The following DPYSL2 variants were observed in gnomAD, a reference collection of about 807,000 sequenced individuals.
The protein encoded by DPYSL2 is dihydropyrimidinase like 2, also known as dihydropyrimidinase-related protein 2.
Under a neutral mutation model 69.9 loss-of-function variants are expected in DPYSL2, and 13 were observed. That is an observed-to-expected ratio of 0.19 (90% CI 0.12 to 0.30). The LOEUF (loss-of-function observed/expected upper bound fraction) is 0.30, where lower values mean the gene tolerates loss of function less well. Ranked by LOEUF, DPYSL2 falls within the 10% of genes least tolerant of loss-of-function variation. The pLI is 1.00. For synonymous variants in DPYSL2, 326 were observed against 359.1 expected (o/e 0.91, Z 1.04); for missense variants, 587 against 918.9 (o/e 0.64, Z 4.67).
rs117788291 is a variant in DPYSL2 at position 26,571,009 on chromosome 8, T to A, written c.355-10960T>A. Among the ~76,000 whole-genome samples the A allele has an allele frequency of 3.6e-3, 541 of 152,270 alleles. 2 individuals carry two copies. The highest frequency in any genetic ancestry group is 6.8e-3 in the Admixed American group (104 of 15,304). ...GACAACATAACAGTATTTTAGAAGA[T>A]TGTACTGTTTCCAGAAGGCAGACAA... On this transcript the variant is annotated intron_variant, in intron 1 of 13. Coordinates refer to ENST00000521913, the MANE Select transcript of DPYSL2 (RefSeq NM_001197293.3). The surrounding 1 kb of genome is among the most constrained non-coding windows in gnomAD (Gnocchi z 6.1).
rs1330924353 is a variant in DPYSL2, at chr8:26,619,881, G to A, written c.629-4262G>A. The stretch of plus-strand genomic sequence containing the variant: ...AGAACCTGTGTTTTAAGGAACACTG[G>A]AGATCATTACTGTGCACCCTGAAGT... On this transcript the variant is annotated intron_variant, in intron 3 of 13. Transcript: ENST00000521913. This position sits in a 1 kb window ranked among gnomAD's most constrained non-coding sequence, Gnocchi z 4.8. The A allele has an allele frequency of 6.6e-6, 1 of 152,250 alleles. No individual in the cohort carries two copies. Among genetic ancestry groups the A allele is most frequent in the Non-Finnish European group, 1.5e-5 (1 of 68,114 alleles). 9.4% of individuals were successfully genotyped at this position (152,250 alleles called of 1,614,324 possible).
chr8:26,573,291 G>A (rs1801269592), intron 1 of DPYSL2, among the ~76,000 whole-genome samples: 1 of 152,164 alleles, frequency 6.6e-6, no homozygotes, highest in Non-Finnish European at 1.5e-5. Context: ...TTGGGAGGCC[G>A]AGGCAGGCAG....
Position 26,598,998 on chromosome 8 carries a change from A to G in DPYSL2, c.628+15015A>G, listed in dbSNP as rs1801932519. On this transcript the variant is annotated intron_variant, in intron 3 of 13. Coordinates refer to ENST00000521913, the MANE Select transcript of DPYSL2 (RefSeq NM_001197293.3). The surrounding 1 kb of genome is among the most constrained non-coding windows in gnomAD (Gnocchi z 4.2). Reference sequence around the variant, plus strand: ...TTCTTGTGAAGGAAGCTCGTTCTCTACCGAAAAGCTCACTTTTCAGAGAAG... The same window carrying G: ...TTCTTGTGAAGGAAGCTCGTTCTCTGCCGAAAAGCTCACTTTTCAGAGAAG... Among the ~76,000 whole-genome samples, 1 of 152,192 alleles carries G rather than the reference A, an allele frequency of 6.6e-6. No homozygotes were observed. Among genetic ancestry groups the G allele is most frequent in the African/African-American group, 2.4e-5 (1 of 41,450 alleles).
intron 7 of DPYSL2, 61 bp from the exon 8 acceptor site, chr8:26,634,719 A>G: frequency 6.2e-7 from 1 of 1,612,594 alleles, no homozygotes; most frequent in South Asian, 1.1e-5. Context: ...GGTGGAGGAT[A>G]AAGGTAGCGG....
chr8:26,558,871 A>G (rs536769276), intron 1 of DPYSL2, among the ~76,000 whole-genome samples: 6 of 152,230 alleles, frequency 3.9e-5, no homozygotes, highest in Non-Finnish European at 8.8e-5. Flanking sequence ...TAAAAAATTA[A>G]TAGTTATATG....
chr8:26,525,952 A>T (rs556967227), intron 1 of DPYSL2, among the ~76,000 whole-genome samples: 9 of 152,294 alleles, frequency 5.9e-5, no homozygotes, highest in African/African-American at 1.9e-4. Flanking sequence ...AGTTTATATT[A>T]TGTCTTACCT....
chr8:26,590,609 G>A, intron 3 of DPYSL2, among the ~76,000 whole-genome samples: 4 of 98,866 alleles, frequency 4.0e-5, no homozygotes, highest in Admixed American at 1.1e-4. Flanking sequence ...CGTGAATCTC[G>A]GCCTTGAACG....
chr8:26,539,697 G>C (rs778051648), intron 1 of DPYSL2, among the ~76,000 whole-genome samples: 3 of 152,052 alleles, frequency 2.0e-5, no homozygotes, highest in Non-Finnish European at 4.4e-5. Flanking sequence ...GCACCACCAC[G>C]TCCGGCTAAT....
At position 26,621,657 on chromosome 8, in the gene DPYSL2, G is replaced by T. The variant is rs978734371; in HGVS notation, c.629-2486G>T. Among the ~76,000 whole-genome samples the T allele has an allele frequency of 6.6e-6, 1 of 152,154 alleles. No homozygotes were observed. The highest frequency in any genetic ancestry group is 2.4e-5 in the African/African-American group (1 of 41,434). On this transcript the variant is annotated intron_variant, in intron 3 of 13. Coordinates refer to ENST00000521913, the MANE Select transcript of DPYSL2 (RefSeq NM_001197293.3). This position sits in a 1 kb window ranked among gnomAD's most constrained non-coding sequence, Gnocchi z 4.9. ...CCTGGGATGGTGACATATAGCCCCA[G>T]TGAGAAGGATGAGGAGATGCCCAAG...
At chr8:26,632,941 GA>G (rs1459548043) in intron 7 of DPYSL2, among the ~76,000 whole-genome samples, 1 of 152,222 alleles carries the variant, frequency 6.6e-6, no homozygotes, top group Non-Finnish European at 1.5e-5. Flanking sequence ...GTTGATGCCT[GA>G]AAGGCCAAAT....
intron 8 of DPYSL2, among the ~76,000 whole-genome samples, chr8:26,636,685 T>G (rs11135950): frequency 6.6e-6 from 1 of 151,690 alleles, no homozygotes; most frequent in African/African-American, 2.4e-5. Flanking sequence ...GGTGCCCAGT[T>G]TGGACCTATT....
intron 1 of DPYSL2, among the ~76,000 whole-genome samples, chr8:26,572,221 C>A (rs762417130): frequency 1.4e-4 from 22 of 152,242 alleles, no homozygotes; most frequent in Non-Finnish European, 3.1e-4. Flanking sequence ...AATGGCTACT[C>A]TAGCTCCCCA....
intron 1 of DPYSL2, among the ~76,000 whole-genome samples, chr8:26,525,727 C>G (rs1263426009): frequency 2.0e-5 from 3 of 152,136 alleles, no homozygotes; most frequent in Non-Finnish European, 4.4e-5. Flanking sequence ...TTTCATTGAT[C>G]CAGTTTACTA....
At position 26,654,475 on chromosome 8, in the gene DPYSL2, A is replaced by T. The variant is rs1464578680; in HGVS notation, c.1942+1078A>T. 2.6e-5 allele frequency among the ~76,000 whole-genome samples: 4 copies of T among 152,132 alleles called. No homozygotes were observed. Among genetic ancestry groups the T allele is most frequent in the Non-Finnish European group, 5.9e-5 (4 of 68,020 alleles). On this transcript the variant is annotated intron_variant, in intron 13 of 13. Coordinates refer to ENST00000521913, the MANE Select transcript of DPYSL2 (RefSeq NM_001197293.3). This position sits in a 1 kb window ranked among gnomAD's most constrained non-coding sequence, Gnocchi z 5.0. The stretch of plus-strand genomic sequence containing the variant: ...GTTTTTAGAAAGTAACCTATGTCCC[A>T]TATATGGATTACCAGTTTTCAAAAC...
At position 26,585,683 on chromosome 8, in the gene DPYSL2, C is replaced by CTTGG. The variant is rs1657752887; in HGVS notation, c.628+1701_628+1704dup. Among the ~76,000 whole-genome samples, 1 of 152,188 alleles carries CTTGG rather than the reference C, an allele frequency of 6.6e-6. No individual in the cohort carries two copies. Among genetic ancestry groups the CTTGG allele is most frequent in the South Asian group, 2.1e-4 (1 of 4,824 alleles). On this transcript the variant is annotated intron_variant, in intron 3 of 13. Transcript: ENST00000521913. This position sits in a 1 kb window ranked among gnomAD's most constrained non-coding sequence, Gnocchi z 4.0. ...GGCGGACTGTGGAGAAACACTTGAA[C>CTTGG]TTGGAGAAGCTTAGACTATTCGGGT...
intron 3 of DPYSL2, among the ~76,000 whole-genome samples, chr8:26,613,046 A>G (rs1802270579): frequency 6.6e-6 from 1 of 152,236 alleles, no homozygotes; most frequent in African/African-American, 2.4e-5. Context: ...TTGCTATTCA[A>G]TAAATGCAAA....
In DPYSL2 at chr8:26,591,924, A is replaced by G. The variant is rs886309307; in HGVS notation, c.628+7941A>G. ...AGCCTCCGTGTTGAGTTGTAGGGGA[A>G]AGGGTGTTTAGTAAGCAGGCATATA... On this transcript the variant is annotated intron_variant, in intron 3 of 13. Transcript: ENST00000521913. The surrounding 1 kb of genome is among the most constrained non-coding windows in gnomAD (Gnocchi z 5.8). 6.6e-6 allele frequency among the ~76,000 whole-genome samples: 1 copy of G among 152,164 alleles called. No homozygotes were observed. Among genetic ancestry groups the G allele is most frequent in the Non-Finnish European group, 1.5e-5 (1 of 68,024 alleles).
rs1012367604 is a variant in DPYSL2, at chr8:26,644,740, T to C, written c.1425+649T>C. Among the ~76,000 whole-genome samples the C allele has an allele frequency of 6.6e-6, 1 of 152,286 alleles. No homozygotes were observed. Among genetic ancestry groups the C allele is most frequent in the African/African-American group, 2.4e-5 (1 of 41,554 alleles). On this transcript the variant is annotated intron_variant, in intron 10 of 13. Coordinates refer to ENST00000521913, the MANE Select transcript of DPYSL2 (RefSeq NM_001197293.3). This position sits in a 1 kb window ranked among gnomAD's most constrained non-coding sequence, Gnocchi z 4.5. ...GTGACTTACTCAGTTAATCCTCGTC[T>C]ACTCTTGGAAATGGGCTCAATTTCC... is the stretch of plus-strand genomic sequence containing the variant.
intron 3 of DPYSL2, among the ~76,000 whole-genome samples, chr8:26,594,073 C>T (rs769261896): frequency 9.9e-5 from 15 of 152,134 alleles, no homozygotes; most frequent in Middle Eastern, 3.2e-3. Flanking sequence ...AGGATGGGAG[C>T]GCTCCAAGAA....
Sources: gnomAD v4.1 joint callset for allele counts (sites outside exome capture counted in the v4.1 genomes callset) on GRCh38, gnomAD v4.1.1 for gene constraint, Gnocchi (gnomAD v3.1) non-coding constraint, MANE v1.5 for transcripts, NCBI Gene and HGNC (gene_info 2026-07-23, HGNC 2026-07-21) for gene names.